Variants in DISP1 observed in about 807,000 individuals in gnomAD.
DISP1 encodes the protein dispatched RND transporter family member 1, also known as protein dispatched homolog 1.
Under a neutral mutation model 37.3 loss-of-function variants are expected in DISP1, and 30 were observed. The ratio of observed to expected loss-of-function variants is 0.80; its 90% CI spans 0.60 to 1.09. The LOEUF is 1.09. Among genes scored for constraint, DISP1 ranks in the 50% least tolerant of loss-of-function variants. The pLI is 0.00. For missense variants in DISP1, 1,598 were observed against 1,879.5 expected, an observed-to-expected ratio of 0.85 and a Z score of 2.77; for synonymous variants, 634 against 690.2, an observed-to-expected ratio of 0.92 and a Z score of 1.28.
chr1:222,866,646 G>C (rs1277985261), intron 1 of DISP1, among the ~76,000 whole-genome samples: 2 of 151,946 alleles, frequency 1.3e-5, no homozygotes, highest in Non-Finnish European at 2.9e-5. Flanking sequence ...CCCAGCTCCT[G>C]GGATAGTTTT....
chr1:222,867,797 T>C (rs936228096), intron 1 of DISP1, among the ~76,000 whole-genome samples: 1 of 152,204 alleles, frequency 6.6e-6, no homozygotes, highest in Admixed American at 6.5e-5. Context: ...TGTCTTGGTA[T>C]AGATTTATAT....
Position 222,844,846 on chromosome 1 carries a change from G to C in DISP1, c.-159+29768G>C, listed in dbSNP as rs185101320. ...ATACTGGGAAGCAAAGTGAGATTTA[G>C]AATAACCCCCCAGCAACTTCAACAA... On this transcript the variant is annotated intron_variant, in intron 1 of 8. Transcript: ENST00000675850. 1.4e-3 allele frequency among the ~76,000 whole-genome samples: 220 copies of C among 152,170 alleles called. 1 individual carries two copies. The highest frequency in any genetic ancestry group is 5.1e-3 in the African/African-American group (212 of 41,528).
At chr1:222,988,567 TTCTCTTTC>T (rs1678440714) in intron 4 of DISP1, among the ~76,000 whole-genome samples, 1 of 139,466 alleles carries the variant, frequency 7.2e-6, no homozygotes, top group Non-Finnish European at 1.6e-5. Context: ...TTTATAAGAT[TTCTCTTTC>T]TCTCTCTCTT....
At chr1:222,877,411 A>G (rs1266621371) in intron 1 of DISP1, among the ~76,000 whole-genome samples, 1 of 152,160 alleles carries the variant, frequency 6.6e-6, no homozygotes, top group East Asian at 1.9e-4. Context: ...AAACCATCAG[A>G]TCTCATGAGA....
Position 222,992,017 on chromosome 1 carries a change from C to T in DISP1, c.796C>T (p.Arg266Trp), listed in dbSNP as rs753264273. 2.7e-5 allele frequency: 44 copies of T among 1,611,836 alleles called. No individual in the cohort carries two copies. Among genetic ancestry groups the T allele is most frequent in the South Asian group, 6.6e-5 (6 of 91,004 alleles). ...KYADEQAKSH[R>W]DDRWSDDHYE... ...CAAATTGTCGTTCCATTTCAGCCATCGGGATGATAGATGGTCAGATGATCA... is the reference window on the plus strand; with the variant it reads ...CAAATTGTCGTTCCATTTCAGCCATTGGGATGATAGATGGTCAGATGATCA... The change falls in exon 7 of 9, where the codon CGG (arginine) becomes TGG (tryptophan). Residue 266 changes from arginine to tryptophan, a missense_variant. Coordinates refer to ENST00000675850, the MANE Select transcript of DISP1 (RefSeq NM_001377229.1).
chr1:223,003,210 G>C lies in DISP1; in HGVS notation c.1813G>C (p.Ala605Pro). ...AGTAAGCATCACCTTGCAGCACGCTGCCCTCTCCATGTTCGTCACCAGTTT... is the reference window on the plus strand; with the variant it reads ...AGTAAGCATCACCTTGCAGCACGCTCCCCTCTCCATGTTCGTCACCAGTTT... The part of the protein sequence containing the change: ...ETVSITLQHA[A>P]LSMFVTSFTT... The change falls in exon 9 of 9, where the codon GCC (alanine) becomes CCC (proline). Residue 605 changes from alanine (A) to proline (P), a missense_variant. Coordinates refer to ENST00000675850, the MANE Select transcript of DISP1 (RefSeq NM_001377229.1). This position sits in a 1 kb window ranked among gnomAD's most constrained non-coding sequence, Gnocchi z 4.3. 6.2e-7 allele frequency: 1 copy of C among 1,614,206 alleles called. No individual in the cohort carries two copies. The highest frequency in any genetic ancestry group is 8.5e-7 in the Non-Finnish European group (1 of 1,180,048).
In DISP1 at chr1:222,833,726, C is replaced by T. The variant is rs1470123355; in HGVS notation, c.-159+18648C>T. 6.6e-5 allele frequency among the ~76,000 whole-genome samples: 10 copies of T among 152,306 alleles called. No individual in the cohort carries two copies. The East Asian group carries it at 1.5e-3, about 24-fold the overall frequency. On this transcript the variant is annotated intron_variant, in intron 1 of 8. Coordinates refer to ENST00000675850, the MANE Select transcript of DISP1 (RefSeq NM_001377229.1). The stretch of plus-strand genomic sequence containing the variant: ...ATGCACTGAGCTCTAATTAACTTGA[C>T]AGAAGCCAGATTGATTTTTATGCAG...
chr1:222,919,830 C>A (rs1672712987), intron 1 of DISP1, among the ~76,000 whole-genome samples: 1 of 152,076 alleles, frequency 6.6e-6, no homozygotes, highest in South Asian at 2.1e-4. Flanking sequence ...TCTTTCCTTG[C>A]CAAAAATATT....
chr1:222,949,348 C>T (rs1423683358), intron 3 of DISP1, among the ~76,000 whole-genome samples: 3 of 151,286 alleles, frequency 2.0e-5, no homozygotes, highest in Admixed American at 6.6e-5. Flanking sequence ...AAGCCAGGAT[C>T]GTACCACTGC....
intron 3 of DISP1, among the ~76,000 whole-genome samples, chr1:222,957,682 G>T (rs993245333): frequency 1.3e-5 from 2 of 152,088 alleles, no homozygotes; most frequent in African/African-American, 4.8e-5. Flanking sequence ...ACTAGTGATC[G>T]GCTAGGCCTT....
chr1:222,817,176 T>G (rs1382921755), intron 1 of DISP1, among the ~76,000 whole-genome samples: 1 of 152,256 alleles, frequency 6.6e-6, no homozygotes, highest in Non-Finnish European at 1.5e-5. Context: ...AGATAAATTA[T>G]TTTTGTTATT....
chr1:222,890,649 G>A (rs1670887699), intron 1 of DISP1, among the ~76,000 whole-genome samples: 1 of 152,126 alleles, frequency 6.6e-6, no homozygotes, highest in African/African-American at 2.4e-5. Flanking sequence ...GCCATAACAA[G>A]TATGACAAAC....
chr1:222,883,675 AAG>A (rs1192192063), intron 1 of DISP1, among the ~76,000 whole-genome samples: 15 of 152,216 alleles, frequency 9.9e-5, no homozygotes, highest in Non-Finnish European at 1.6e-4. Flanking sequence ...CAAGAGTTTT[AAG>A]AGAGAGGTGC....
chr1:222,895,768 A>C (rs113591293), intron 1 of DISP1, among the ~76,000 whole-genome samples: 12 of 152,272 alleles, frequency 7.9e-5, no homozygotes, highest in African/African-American at 2.9e-4. Context: ...GAGAGGGAAA[A>C]CTTGATCTCT....
chr1:222,957,418 G>T (rs551677843), intron 3 of DISP1, among the ~76,000 whole-genome samples: 3 of 151,944 alleles, frequency 2.0e-5, no homozygotes, highest in South Asian at 2.1e-4. Context: ...GTGAAATCCC[G>T]TCTCTACTAA....
At chr1:222,898,378 A>G (rs1242326959) in intron 1 of DISP1, among the ~76,000 whole-genome samples, 1 of 152,108 alleles carries the variant, frequency 6.6e-6, no homozygotes, top group African/African-American at 2.4e-5. Flanking sequence ...GAGTGTTCTT[A>G]AAGAGTAAAG....
intron 3 of DISP1, among the ~76,000 whole-genome samples, chr1:222,952,364 GCT>G (rs1199569540): frequency 6.6e-6 from 1 of 152,108 alleles, no homozygotes; most frequent in African/African-American, 2.4e-5. Flanking sequence ...ACCTTTCTTG[GCT>G]CTGTTAAAAC....
At chr1:223,002,086 T>G (rs1679497033) in intron 8 of DISP1, among the ~76,000 whole-genome samples, 1 of 152,180 alleles carries the variant, frequency 6.6e-6, no homozygotes, top group South Asian at 2.1e-4. Context: ...TAGGTGTTAA[T>G]TTGATCTCCT....
intron 1 of DISP1, among the ~76,000 whole-genome samples, chr1:222,868,796 T>C (rs963426758): frequency 6.6e-6 from 1 of 152,114 alleles, no homozygotes; most frequent in Non-Finnish European, 1.5e-5. Flanking sequence ...TGTTTAGAGG[T>C]GCTTTCCCTA....
Sources: allele counts gnomAD v4.1 joint callset (sites outside exome capture counted in the v4.1 genomes callset), GRCh38; gene constraint gnomAD v4.1.1; non-coding constraint Gnocchi (gnomAD v3.1); transcripts MANE v1.5; gene names NCBI Gene and HGNC (gene_info 2026-07-23, HGNC 2026-07-21).